The following KAT6B variants were observed in gnomAD, a reference collection of about 807,000 sequenced individuals.
KAT6B encodes histone acetyltransferase KAT6B.
KAT6B carries 10 observed loss-of-function variants against 187.5 expected under a neutral mutation model. The observed-to-expected ratio is 0.05, with a 90% CI of 0.03 to 0.09. The LOEUF (loss-of-function observed/expected upper bound fraction) is 0.09. KAT6B is among the 10% of genes least tolerant of loss of function. The probability of loss-of-function intolerance (pLI) is 1.00; values close to 1 mark genes in which losing one functional copy is unlikely to be tolerated. For synonymous variants in KAT6B, 861 were observed against 926.8 expected, an observed-to-expected ratio of 0.93 and a Z score of 1.29; for missense variants, 1,952 against 2,558.9, an observed-to-expected ratio of 0.76 and a Z score of 5.12.
intron 3 of KAT6B, among the ~76,000 whole-genome samples, chr10:74,926,427 C>T (rs905746201): frequency 1.3e-5 from 2 of 152,238 alleles, no homozygotes; most frequent in African/African-American, 2.4e-5. Flanking sequence ...GCACTCCAGC[C>T]TGGGCAACAG....
At chr10:74,830,521 A>T (rs1298628052) in intron 1 of KAT6B, among the ~76,000 whole-genome samples, 2 of 151,604 alleles carry the variant, frequency 1.3e-5, no homozygotes, top group African/African-American at 4.8e-5. Flanking sequence ...GATGAATTGT[A>T]TGGTCACCTA....
At chr10:74,975,337 T>C (rs1329052871) in intron 7 of KAT6B, 62 bp from the exon 8 acceptor site, 2 of 1,463,862 alleles carry the variant, frequency 1.4e-6, no homozygotes, top group Non-Finnish European at 1.9e-6. Flanking sequence ...TAAATTTGTT[T>C]TTAGATACCT....
chr10:74,994,608 C>A (rs1843309471), intron 13 of KAT6B, among the ~76,000 whole-genome samples: 1 of 151,796 alleles, frequency 6.6e-6, no homozygotes, highest in South Asian at 2.1e-4. Flanking sequence ...CACGGTGAAA[C>A]CCTGTCTCTA....
chr10:75,022,371 A>G (rs1845497875), intron 16 of KAT6B, 140 bp downstream of exon 16: 2 of 977,688 alleles, frequency 2.0e-6, no homozygotes, highest in East Asian at 4.8e-5. Flanking sequence ...CTGATCATAT[A>G]TCATAATCGT....
intron 3 of KAT6B, among the ~76,000 whole-genome samples, chr10:74,933,783 G>T (rs1849041553): frequency 6.6e-6 from 1 of 152,114 alleles, no homozygotes. Context: ...TTGAAAAATT[G>T]TCTTTATTCT....
intron 1 of KAT6B, among the ~76,000 whole-genome samples, chr10:74,829,333 G>A (rs1320545255): frequency 2.6e-5 from 4 of 152,144 alleles, no homozygotes; most frequent in Non-Finnish European, 5.9e-5. Flanking sequence ...GGACTTTCAC[G>A]TATCAATTAG....
At chr10:74,884,800 C>A (rs1007994809) in intron 3 of KAT6B, among the ~76,000 whole-genome samples, 3 of 152,124 alleles carry the variant, frequency 2.0e-5, no homozygotes, top group African/African-American at 7.2e-5. Flanking sequence ...AATTCCTGAC[C>A]TCAAATGATC....
intron 3 of KAT6B, among the ~76,000 whole-genome samples, chr10:74,854,913 C>T (rs543707048): frequency 8.4e-4 from 128 of 152,284 alleles, no homozygotes; most frequent in African/African-American, 2.7e-3. Flanking sequence ...CTTACAAGTT[C>T]AATTTTTCTT....
chr10:74,953,406 C>A (rs953934963), intron 3 of KAT6B, among the ~76,000 whole-genome samples: 1 of 152,130 alleles, frequency 6.6e-6, no homozygotes, highest in Non-Finnish European at 1.5e-5. Context: ...AAAATACTTT[C>A]CACACTCACT....
At chr10:74,847,818 A>G (rs531624609) in intron 3 of KAT6B, among the ~76,000 whole-genome samples, 5 of 152,126 alleles carry the variant, frequency 3.3e-5, no homozygotes, top group Non-Finnish European at 7.4e-5. Context: ...TTAGCCCGGG[A>G]TCCACAAATG....
chr10:74,854,220 C>G (rs1437799346), intron 3 of KAT6B, among the ~76,000 whole-genome samples: 1 of 152,090 alleles, frequency 6.6e-6, no homozygotes, highest in African/African-American at 2.4e-5. Context: ...TTAGCAGGGC[C>G]AAGAGGGAAG....
intron 13 of KAT6B, among the ~76,000 whole-genome samples, chr10:74,994,033 T>A (rs1843271538): frequency 6.6e-6 from 1 of 152,180 alleles, no homozygotes; most frequent in Admixed American, 6.5e-5. Context: ...AAATATCAAT[T>A]CTCATCCAAT....
intron 8 of KAT6B, 186 bp downstream of exon 8, chr10:74,976,516 ATGT>A (rs1324294909): frequency 7.8e-6 from 5 of 639,094 alleles, no homozygotes; most frequent in African/African-American, 3.7e-5. Flanking sequence ...AACCTCCAAA[ATGT>A]TGTTTTTCCA....
Position 75,029,256 on chromosome 10 carries a change from G to C in KAT6B, c.4432G>C (p.Gly1478Arg), listed in dbSNP as rs760012235. The C allele has an allele frequency of 6.2e-7, 1 of 1,614,176 alleles. No homozygotes were observed. Among genetic ancestry groups the C allele is most frequent in the South Asian group, 1.1e-5 (1 of 91,082 alleles). The change falls in exon 18 of 18, where the codon GGC becomes CGC. Residue 1478 changes from glycine to arginine, a missense_variant. This residue lies in a region of KAT6B where 758 missense variants were observed against 891.4 expected (regional missense o/e 0.85). Transcript: ENST00000287239. The surrounding 1 kb of genome is among the most constrained non-coding windows in gnomAD (Gnocchi z 6.2). ...GAACCCAGAGGTCTTAATGGACTGTGGCGTCGACCTGACAGCTTCTTGTAA... is the reference window on the plus strand; with the variant it reads ...GAACCCAGAGGTCTTAATGGACTGTCGCGTCGACCTGACAGCTTCTTGTAA... ...HSNPEVLMDCGVDLTASCNSE... is the reference protein window; with the variant it reads ...HSNPEVLMDCRVDLTASCNSE...
intron 3 of KAT6B, among the ~76,000 whole-genome samples, chr10:74,854,484 GA>G (rs1353629733): frequency 6.6e-6 from 1 of 151,548 alleles, no homozygotes; most frequent in Non-Finnish European, 1.5e-5. Flanking sequence ...TTTTTTTAAT[GA>G]AAGGTGATAT....
intron 1 of KAT6B, among the ~76,000 whole-genome samples, chr10:74,834,115 G>T (rs2131982802): frequency 6.6e-6 from 1 of 152,114 alleles, no homozygotes; most frequent in East Asian, 1.9e-4. Context: ...GTGCATTATG[G>T]TGTCACCTGC....
intron 3 of KAT6B, among the ~76,000 whole-genome samples, chr10:74,944,947 C>G (rs1850009114): frequency 6.6e-6 from 1 of 151,896 alleles, no homozygotes; most frequent in Non-Finnish European, 1.5e-5. Context: ...GGCACAAGCA[C>G]CTTGGAAAAC....
chr10:74,876,690 G>GGTGAT (rs1564536547), intron 3 of KAT6B, among the ~76,000 whole-genome samples: 1 of 151,940 alleles, frequency 6.6e-6, no homozygotes, highest in Non-Finnish European at 1.5e-5. Context: ...GAGGTGGTCG[G>GGTGAT]ATCACCTGAG....
chr10:74,830,390 G>C (rs1358499184), intron 1 of KAT6B, among the ~76,000 whole-genome samples: 1 of 151,988 alleles, frequency 6.6e-6, no homozygotes, highest in Non-Finnish European at 1.5e-5. Flanking sequence ...GTTTCTCTAA[G>C]GTATACACCT....
Sources: allele counts gnomAD v4.1 joint callset (sites outside exome capture counted in the v4.1 genomes callset), GRCh38; gene constraint gnomAD v4.1.1; regional missense constraint gnomAD v4.1.1; non-coding constraint Gnocchi (gnomAD v3.1); transcripts MANE v1.5; gene names NCBI Gene and HGNC (gene_info 2026-07-23, HGNC 2026-07-21).